Variants in TEX9 observed in about 807,000 individuals in gnomAD.
The protein encoded by TEX9 is testis expressed 9.
Under a neutral mutation model 59.6 loss-of-function variants are expected in TEX9, and 74 were observed. That is an observed-to-expected ratio of 1.24 (90% CI 1.03 to 1.51). The LOEUF is 1.51. Ranked by LOEUF, TEX9 falls within the 40% of genes most tolerant of loss-of-function variation. The pLI is 0.00. For missense variants in TEX9, 522 were observed against 447.8 expected (o/e 1.17, Z -1.49); for synonymous variants, 186 against 152.2 (o/e 1.22, Z -1.64).
chr15:56,291,998 A>G (rs1363923887), intron 1 of TEX9, among the ~76,000 whole-genome samples: 1 of 152,220 alleles, frequency 6.6e-6, no homozygotes, highest in Non-Finnish European at 1.5e-5. Flanking sequence ...TGGCTTCAGG[A>G]TGCCTCAACT....
intron 10 of TEX9, among the ~76,000 whole-genome samples, chr15:56,416,713 G>A (rs1307863340): frequency 6.6e-6 from 1 of 151,820 alleles, no homozygotes; most frequent in Non-Finnish European, 1.5e-5. Context: ...TCAAGATGAT[G>A]CTGGCCCCAT....
At chr15:56,316,886 G>A (rs1476140432) in intron 1 of TEX9, among the ~76,000 whole-genome samples, 6 of 152,228 alleles carry the variant, frequency 3.9e-5, no homozygotes, top group East Asian at 1.9e-4. Flanking sequence ...GAAAAGCGCA[G>A]TATTCGGGTG....
intron 1 of TEX9, among the ~76,000 whole-genome samples, chr15:56,303,021 T>A (rs999462252): frequency 1.3e-4 from 20 of 152,192 alleles, no homozygotes; most frequent in Non-Finnish European, 2.2e-4. Flanking sequence ...CAATTGTTAA[T>A]AGATACACAC....
intron 10 of TEX9, among the ~76,000 whole-genome samples, chr15:56,424,553 C>T (rs192175436): frequency 7.2e-5 from 11 of 151,988 alleles, no homozygotes; most frequent in Non-Finnish European, 1.3e-4. Flanking sequence ...GACTTTTACC[C>T]TCTCATTTCC....
intron 1 of TEX9, among the ~76,000 whole-genome samples, chr15:56,287,197 T>C (rs1288929764): frequency 6.6e-6 from 1 of 152,154 alleles, no homozygotes; most frequent in Non-Finnish European, 1.5e-5. Context: ...ATGGATGCTA[T>C]ATAATAATTA....
intron 1 of TEX9, among the ~76,000 whole-genome samples, chr15:56,247,446 G>T (rs1323869541): frequency 6.6e-6 from 1 of 152,196 alleles, no homozygotes; most frequent in South Asian, 2.1e-4. Flanking sequence ...ATTGGGTCTT[G>T]TTGGATGAAT....
At chr15:56,280,750 A>G (rs1480022826) in intron 1 of TEX9, among the ~76,000 whole-genome samples, 2 of 152,232 alleles carry the variant, frequency 1.3e-5, no homozygotes. Flanking sequence ...TGATTCCCAC[A>G]TCTGTCAGTC....
chr15:56,274,613 T>C (rs1182819544), intron 1 of TEX9: 1 of 152,198 alleles, frequency 6.6e-6, no homozygotes, highest in Non-Finnish European at 1.5e-5. Flanking sequence ...CCAATTTTAG[T>C]GTATGTACTG....
intron 1 of TEX9, among the ~76,000 whole-genome samples, chr15:56,357,696 G>A (rs1375353800): frequency 6.6e-6 from 1 of 152,034 alleles, no homozygotes; most frequent in Admixed American, 6.6e-5. Context: ...CCTGTCCATT[G>A]AGTATTTTCA....
intron 3 of TEX9, among the ~76,000 whole-genome samples, chr15:56,377,083 G>A (rs548970036): frequency 2.6e-5 from 4 of 152,044 alleles, no homozygotes; most frequent in Non-Finnish European, 5.9e-5. Flanking sequence ...ATTTGTTTCT[G>A]GATTTTCTCT....
At chr15:56,370,091 A>G (rs1567103333) in intron 2 of TEX9, among the ~76,000 whole-genome samples, 1 of 152,178 alleles carries the variant, frequency 6.6e-6, no homozygotes, top group Non-Finnish European at 1.5e-5. Context: ...ATATATTTAC[A>G]TTATTACATA....
chr15:56,404,726 C>A (rs2048984139), intron 9 of TEX9, among the ~76,000 whole-genome samples: 3 of 152,146 alleles, frequency 2.0e-5, no homozygotes, highest in Non-Finnish European at 4.4e-5. Context: ...AGACTTGGAA[C>A]CAACCCAAAT....
intron 1 of TEX9, among the ~76,000 whole-genome samples, chr15:56,352,180 A>T (rs2046595423): frequency 6.6e-6 from 1 of 152,206 alleles, no homozygotes; most frequent in Non-Finnish European, 1.5e-5. Context: ...AAGGAATCCT[A>T]GACAGGAGTG....
intron 2 of TEX9, among the ~76,000 whole-genome samples, chr15:56,370,380 C>A (rs1468653784): frequency 1.3e-5 from 2 of 152,052 alleles, no homozygotes; most frequent in African/African-American, 4.8e-5. Context: ...CTTCATAATT[C>A]TTTTTTTCCA....
At chr15:56,407,067 A>G (rs1363104311) in intron 9 of TEX9, among the ~76,000 whole-genome samples, 1 of 152,006 alleles carries the variant, frequency 6.6e-6, no homozygotes, top group East Asian at 1.9e-4. Flanking sequence ...GATTTCTTCT[A>G]GAAGTGTTAT....
chr15:56,383,704 T>C (rs1026644707), intron 3 of TEX9, among the ~76,000 whole-genome samples: 16 of 152,232 alleles, frequency 1.1e-4, no homozygotes, highest in Non-Finnish European at 1.6e-4. Context: ...GTTAGAAATA[T>C]TATGTAAAGG....
the TEX9 span, among the ~76,000 whole-genome samples, chr15:56,454,178 A>AT: frequency 6.6e-6 from 1 of 152,102 alleles, no homozygotes; most frequent in African/African-American, 2.4e-5. Context: ...TGAGTTGTAA[A>AT]TTTTTTTGTA....
At position 56,332,255 on chromosome 15, in the gene TEX9, T is replaced by C. The variant is rs1171143487; in HGVS notation, c.-106-41186T>C. Among the ~76,000 whole-genome samples, 3 of 149,698 alleles carry C rather than the reference T, an allele frequency of 2.0e-5. No homozygotes were observed. The East Asian group carries it at 5.9e-4, about 30-fold the overall frequency. On this transcript the variant is annotated intron_variant, in intron 1 of 5. Transcript: ENST00000560827. ...ACAATGATAGACTGGATTAAGAAAA[T>C]GTGGCACACATACACCATGGAATAC...
At chr15:56,434,227 C>T (rs367655780) in intron 12 of TEX9, 34 of 1,613,808 alleles carry the variant, frequency 2.1e-5, no homozygotes, top group Non-Finnish European at 2.8e-5. Context: ...TGTTTCTGAG[C>T]ATTCATTAAT....
Sources: gnomAD v4.1 joint callset for allele counts (sites outside exome capture counted in the v4.1 genomes callset) on GRCh38, gnomAD v4.1.1 for gene constraint, MANE v1.5 for transcripts, NCBI Gene and HGNC (gene_info 2026-07-23, HGNC 2026-07-21) for gene names.